The following IQCK variants were observed in gnomAD, a reference collection of about 807,000 sequenced individuals.
IQCK encodes the protein IQ motif containing K.
A neutral mutation model predicts 28.1 loss-of-function variants in IQCK; 29 were observed. The ratio of observed to expected loss-of-function variants is 1.03; its 90% confidence interval spans 0.77 to 1.41. IQCK has a LOEUF of 1.41. Ranked by LOEUF, IQCK falls within the 40% of genes most tolerant of loss-of-function variation. The pLI, the probability that IQCK is intolerant of heterozygous loss-of-function variation, is 0.00. For missense variants in IQCK, 359 were observed against 314.7 expected (o/e 1.14, Z -1.07); for synonymous variants, 113 against 115.1 (o/e 0.98, Z 0.12).
chr16:19,803,300 A>C (rs1036777272), intron 7 of IQCK, among the ~76,000 whole-genome samples: 1 of 151,928 alleles, frequency 6.6e-6, no homozygotes, highest in Non-Finnish European at 1.5e-5. Flanking sequence ...ACGCCACTGC[A>C]CCCGGCTAAT....
At chr16:19,840,700 A>C (rs1017516425) in intron 9 of IQCK, among the ~76,000 whole-genome samples, 5 of 152,180 alleles carry the variant, frequency 3.3e-5, no homozygotes, top group Non-Finnish European at 5.9e-5. Context: ...AGGCAGAGAG[A>C]GGTCAAACAG....
intron 4 of IQCK, among the ~76,000 whole-genome samples, chr16:19,743,719 C>T (rs1027063589): frequency 2.0e-5 from 3 of 152,202 alleles, no homozygotes; most frequent in African/African-American, 7.2e-5. Context: ...AGAGTTTGAC[C>T]ACTGCTCCAC....
At chr16:19,723,781 C>G (rs539119557) in intron 1 of IQCK, among the ~76,000 whole-genome samples, 5 of 152,174 alleles carry the variant, frequency 3.3e-5, no homozygotes, top group African/African-American at 1.2e-4. Context: ...TGGTGAAACC[C>G]CATCTCTACT....
intron 4 of IQCK, 200 bp downstream of exon 4, chr16:19,735,650 A>G: frequency 1.8e-6 from 1 of 565,416 alleles, no homozygotes; most frequent in Non-Finnish European, 3.2e-6. Context: ...CTGTCTGGCC[A>G]CTTGGACTCC....
chr16:19,802,794 C>T (rs920804858), intron 7 of IQCK, among the ~76,000 whole-genome samples: 8 of 152,162 alleles, frequency 5.3e-5, no homozygotes, highest in Non-Finnish European at 8.8e-5. Flanking sequence ...TGGCTCCATG[C>T]GTTTGCTGTT....
intron 6 of IQCK, among the ~76,000 whole-genome samples, chr16:19,785,514 A>T (rs2055550169): frequency 6.6e-6 from 1 of 152,228 alleles, no homozygotes; most frequent in East Asian, 1.9e-4. Context: ...TAACAAAAGG[A>T]CCAGAGGCTA....
chr16:19,835,790 G>A (rs2056288614), intron 9 of IQCK, among the ~76,000 whole-genome samples: 1 of 151,964 alleles, frequency 6.6e-6, no homozygotes, highest in South Asian at 2.1e-4. Flanking sequence ...TCACCATGTT[G>A]GCTAGGCTGG....
intron 9 of IQCK, among the ~76,000 whole-genome samples, chr16:19,843,025 A>T (rs2141114007): frequency 6.6e-6 from 1 of 152,234 alleles, no homozygotes; most frequent in South Asian, 2.1e-4. Context: ...GTTGACAAGG[A>T]GAATAGGGCT....
intron 7 of IQCK, among the ~76,000 whole-genome samples, chr16:19,817,463 T>C (rs1323430496): frequency 6.6e-6 from 1 of 152,132 alleles, no homozygotes; most frequent in East Asian, 1.9e-4. Flanking sequence ...GTATTCTCTA[T>C]GGGTAAATAG....
intron 4 of IQCK, among the ~76,000 whole-genome samples, chr16:19,753,074 G>GAA (rs1340064719): frequency 6.6e-6 from 1 of 151,904 alleles, no homozygotes; most frequent in African/African-American, 2.4e-5. Flanking sequence ...GAGAGAGAGA[G>GAA]TCTCTCCCAG....
downstream of IQCK, among the ~76,000 whole-genome samples, chr16:19,827,948 G>A (rs1458990074): frequency 6.6e-6 from 1 of 151,662 alleles, no homozygotes; most frequent in East Asian, 1.9e-4. Context: ...GTCTCACTCT[G>A]TTCGCCCAGG....
chr16:19,767,456 G>T (rs1156320827), intron 6 of IQCK, among the ~76,000 whole-genome samples: 2 of 152,118 alleles, frequency 1.3e-5, no homozygotes, highest in Non-Finnish European at 2.9e-5. Context: ...CTGCTCAGCG[G>T]CCACAGCTTT....
intron 4 of IQCK, among the ~76,000 whole-genome samples, chr16:19,755,532 G>A (rs186793335): frequency 3.3e-5 from 5 of 152,288 alleles, no homozygotes; most frequent in Non-Finnish European, 7.4e-5. Flanking sequence ...AATTAGGAGA[G>A]AACAGCAGAG....
At chr16:19,818,446 G>A (rs2056019245) in intron 7 of IQCK, among the ~76,000 whole-genome samples, 1 of 152,134 alleles carries the variant, frequency 6.6e-6, no homozygotes, top group Non-Finnish European at 1.5e-5. Flanking sequence ...AGGCTGGAGT[G>A]CAATGGCACG....
intron 9 of IQCK, among the ~76,000 whole-genome samples, chr16:19,838,118 G>A (rs889408623): frequency 3.3e-5 from 5 of 152,242 alleles, no homozygotes; most frequent in African/African-American, 4.8e-5. Flanking sequence ...CCTGCTGTCT[G>A]GGCGAATCTA....
At chr16:19,828,216 C>T (rs8062735), downstream of IQCK, among the ~76,000 whole-genome samples, 36,805 of 141,554 alleles carry the variant, frequency 0.26, 5,042 homozygotes, top group African/African-American at 0.35. Flanking sequence ...CTGGCTGATA[C>T]GTTTTCTTTC....
chr16:19,767,623 C>T (rs534942381), intron 6 of IQCK, among the ~76,000 whole-genome samples: 1 of 152,232 alleles, frequency 6.6e-6, no homozygotes, highest in Admixed American at 6.5e-5. Flanking sequence ...GTTTGGCTGC[C>T]TGGGTGTCTG....
intron 6 of IQCK, among the ~76,000 whole-genome samples, chr16:19,778,666 T>A (rs986103695): frequency 2.6e-5 from 4 of 151,518 alleles, no homozygotes; most frequent in Admixed American, 6.6e-5. Flanking sequence ...CAAAAAAAAA[T>A]AAAAATAAAA....
At chr16:19,845,203 T>C (rs546837262) in intron 9 of IQCK, among the ~76,000 whole-genome samples, 1 of 152,364 alleles carries the variant, frequency 6.6e-6, no homozygotes, top group South Asian at 2.1e-4. Flanking sequence ...TCGCAATCCC[T>C]AAGTACAGAT....
Sources: allele counts gnomAD v4.1 joint callset (sites outside exome capture counted in the v4.1 genomes callset), GRCh38; gene constraint gnomAD v4.1.1; transcripts MANE v1.5; gene names NCBI Gene and HGNC (gene_info 2026-07-23, HGNC 2026-07-21).